Variants in TAF1B observed in about 807,000 individuals in gnomAD.
The protein encoded by TAF1B is TATA-box binding protein associated factor, RNA polymerase I subunit B.
Under a neutral mutation model 83.9 loss-of-function variants are expected in TAF1B, and 61 were observed. The observed-to-expected ratio is 0.73, with a 90% CI of 0.59 to 0.90. TAF1B has a LOEUF of 0.90. Among genes scored for constraint, TAF1B ranks in the 40% least tolerant of loss-of-function variants. The pLI is 0.00. For missense variants in TAF1B, 625 were observed against 677.0 expected, an observed-to-expected ratio of 0.92 and a Z score of 0.85; for synonymous variants, 221 against 224.6, an observed-to-expected ratio of 0.98 and a Z score of 0.14.
At chr2:9,851,215 A>G (rs1663379310) in intron 3 of TAF1B, among the ~76,000 whole-genome samples, 2 of 152,168 alleles carry the variant, frequency 1.3e-5, no homozygotes, top group Admixed American at 6.6e-5. Context: ...TTTTTTTAAC[A>G]TGGTGACTAT....
At chr2:9,866,696 A>T (rs1168653934) in intron 5 of TAF1B, among the ~76,000 whole-genome samples, 4 of 152,184 alleles carry the variant, frequency 2.6e-5, no homozygotes, top group Non-Finnish European at 5.9e-5. Context: ...CAAATGTCCA[A>T]CAATGATAGA....
At chr2:9,890,551 C>T (rs1176020355) in intron 8 of TAF1B, among the ~76,000 whole-genome samples, 2 of 152,046 alleles carry the variant, frequency 1.3e-5, no homozygotes, top group Non-Finnish European at 2.9e-5. Flanking sequence ...TAAATCTTTT[C>T]CCCTAAATAC....
At chr2:9,852,222 C>A in intron 4 of TAF1B, 1 of 264,826 alleles carries the variant, frequency 3.8e-6, no homozygotes, top group South Asian at 4.1e-5. Flanking sequence ...TCTTATGGGA[C>A]ACCCATGCTT....
At chr2:9,878,878 C>A (rs1031103663) in intron 7 of TAF1B, among the ~76,000 whole-genome samples, 9 of 152,208 alleles carry the variant, frequency 5.9e-5, no homozygotes, top group Admixed American at 3.9e-4. Context: ...AGAAAAGGAT[C>A]AGACAGGGAA....
rs540234268 is a variant in TAF1B at position 9,869,841 on chromosome 2, C to T, written c.553+1412C>T. ...GAGCCAAGATCACACCACTGCACTC[C>T]AGTGTAGGTGACAGAGCAAGACTCC... is the stretch of plus-strand genomic sequence containing the variant. On this transcript the variant is annotated intron_variant, in intron 6 of 14. Coordinates refer to ENST00000263663, the MANE Select transcript of TAF1B (RefSeq NM_005680.3). 5.1e-4 allele frequency among the ~76,000 whole-genome samples: 77 copies of T among 151,508 alleles called. 1 individual carries two copies. Among genetic ancestry groups the T allele is most frequent in the African/African-American group, 1.7e-3 (71 of 41,288 alleles).
chr2:9,851,417 TG>T, intron 3 of TAF1B, 123 bp from the exon 4 acceptor site: 1 of 663,650 alleles, frequency 1.5e-6, no homozygotes, highest in Non-Finnish European at 2.4e-6. Flanking sequence ...TGCTAAGTTC[TG>T]GGTTAATTGA....
At chr2:9,847,232 G>A (rs963229435) in intron 2 of TAF1B, among the ~76,000 whole-genome samples, 1 of 152,110 alleles carries the variant, frequency 6.6e-6, no homozygotes, top group African/African-American at 2.4e-5. Flanking sequence ...TCATGAAGGT[G>A]GACAACATCT....
At chr2:9,916,508 T>TTA (rs1665685702) in intron 12 of TAF1B, among the ~76,000 whole-genome samples, 2 of 152,346 alleles carry the variant, frequency 1.3e-5, no homozygotes, top group African/African-American at 4.8e-5. Flanking sequence ...AGGCATTTAC[T>TTA]GTAAATGCAT....
At chr2:9,888,044 CGTG>C (rs1399959833) in intron 8 of TAF1B, among the ~76,000 whole-genome samples, 10 of 152,022 alleles carry the variant, frequency 6.6e-5, no homozygotes, top group Non-Finnish European at 1.3e-4. Flanking sequence ...TTTTTAGAGA[CGTG>C]GTCTTGCAGT....
At chr2:9,917,387 T>C (rs1268747908) in intron 12 of TAF1B, among the ~76,000 whole-genome samples, 1 of 152,220 alleles carries the variant, frequency 6.6e-6, no homozygotes, top group Non-Finnish European at 1.5e-5. Flanking sequence ...TGAGAAATTA[T>C]TATAGATGCT....
intron 8 of TAF1B, among the ~76,000 whole-genome samples, chr2:9,902,361 G>A (rs1041412906): frequency 6.6e-6 from 1 of 151,920 alleles, no homozygotes; most frequent in Non-Finnish European, 1.5e-5. Context: ...ATGGAGAAGC[G>A]TTACCAGCAC....
At chr2:9,928,040 A>G (rs1666097402) in intron 14 of TAF1B, among the ~76,000 whole-genome samples, 1 of 152,090 alleles carries the variant, frequency 6.6e-6, no homozygotes. Context: ...TAATTTTTGT[A>G]TAAGGTGTAA....
chr2:9,905,086 C>G, intron 9 of TAF1B, 80 bp downstream of exon 9: 1 of 1,325,812 alleles, frequency 7.5e-7, no homozygotes, highest in Non-Finnish European at 1.0e-6. Flanking sequence ...TTTCAAATCA[C>G]AGACTATTAG....
intron 6 of TAF1B, among the ~76,000 whole-genome samples, chr2:9,869,307 C>G (rs1664092714): frequency 6.6e-6 from 1 of 151,984 alleles, no homozygotes; most frequent in African/African-American, 2.4e-5. Flanking sequence ...TCACTGCAAC[C>G]TCCGCCTCCC....
intron 5 of TAF1B, among the ~76,000 whole-genome samples, chr2:9,854,925 A>G (rs1400204745): frequency 6.6e-6 from 1 of 152,184 alleles, no homozygotes; most frequent in East Asian, 1.9e-4. Flanking sequence ...TGTGCCATGT[A>G]ACATTTTATT....
chr2:9,876,108 G>A, intron 7 of TAF1B, 90 bp downstream of exon 7: 8 of 1,351,612 alleles, frequency 5.9e-6, no homozygotes, highest in Non-Finnish European at 8.0e-6. Flanking sequence ...TTTATAAGAA[G>A]GCTTAACTTG....
chr2:9,913,528 T>G (rs1276037440), intron 12 of TAF1B: 1 of 259,706 alleles, frequency 3.9e-6, no homozygotes, highest in African/African-American at 2.2e-5. Flanking sequence ...ATTTAACTTT[T>G]TATAATTTGC....
intron 14 of TAF1B, among the ~76,000 whole-genome samples, chr2:9,920,364 C>T (rs1007549885): frequency 7.2e-5 from 11 of 152,288 alleles, no homozygotes; most frequent in East Asian, 1.9e-4. Flanking sequence ...TTTATCTCTT[C>T]GGTCTCCTTT....
rs1663171956 is a variant in TAF1B at position 9,845,376 on chromosome 2, C to T, written c.117+58C>T. 6 of 1,412,834 alleles carry T rather than the reference C, an allele frequency of 4.2e-6. No homozygotes were observed. In the South Asian group the frequency reaches 7.0e-5, roughly 16 times the overall value. 87.5% of individuals were successfully genotyped at this position (1,412,834 alleles called of 1,614,324 possible). A position where few individuals can be genotyped will look rare whatever the true frequency, so the allele number is the denominator to read the frequency against. Reference sequence around the variant, plus strand: ...ATGTTTTAAAAATTGCCATTTCAGCCTGATATGTAGTCTAAGTCCCAAAGA... The same window carrying T: ...ATGTTTTAAAAATTGCCATTTCAGCTTGATATGTAGTCTAAGTCCCAAAGA... On this transcript the variant is annotated intron_variant, in intron 2 of 14. Coordinates refer to ENST00000263663, the MANE Select transcript of TAF1B (RefSeq NM_005680.3).
Sources: gnomAD v4.1 joint callset for allele counts (sites outside exome capture counted in the v4.1 genomes callset) on GRCh38, gnomAD v4.1.1 for gene constraint, MANE v1.5 for transcripts, NCBI Gene and HGNC (gene_info 2026-07-23, HGNC 2026-07-21) for gene names.